METTL15: variants seen among roughly 807,000 people sequenced by gnomAD.
METTL15 encodes methyltransferase 15, mitochondrial 12S rRNA N4-cytidine.
A neutral mutation model predicts 38.3 loss-of-function variants in METTL15; 34 were observed. The observed-to-expected ratio is 0.89, with a 90% CI of 0.68 to 1.18. The LOEUF (loss-of-function observed/expected upper bound fraction) is 1.18, where lower values mean the gene tolerates loss of function less well. METTL15 is among the 50% of genes most tolerant of loss of function. METTL15 has a pLI of 0.00. For synonymous variants in METTL15, 162 were observed against 170.9 expected, an observed-to-expected ratio of 0.95 and a Z score of 0.41; for missense variants, 438 against 498.4, an observed-to-expected ratio of 0.88 and a Z score of 1.15.
At chr11:28,516,379 G>A (rs1851719687) in intron 6 of METTL15, among the ~76,000 whole-genome samples, 1 of 152,160 alleles carries the variant, frequency 6.6e-6, no homozygotes, top group Non-Finnish European at 1.5e-5. Context: ...CATGGGCACT[G>A]TCATGAAGCT....
intron 3 of METTL15, among the ~76,000 whole-genome samples, chr11:28,170,542 A>T (rs1287291403): frequency 6.6e-6 from 1 of 152,126 alleles, no homozygotes; most frequent in Non-Finnish European, 1.5e-5. Context: ...TAATACTTAT[A>T]ATTATTTCTT....
chr11:28,396,948 C>G (rs933846148), intron 5 of METTL15, among the ~76,000 whole-genome samples: 1 of 147,826 alleles, frequency 6.8e-6, no homozygotes, highest in Non-Finnish European at 1.5e-5. Flanking sequence ...ACATGTACAA[C>G]CATCTGATCT....
chr11:28,235,551 T>C (rs1853916744), intron 4 of METTL15, among the ~76,000 whole-genome samples: 1 of 152,210 alleles, frequency 6.6e-6, no homozygotes, highest in South Asian at 2.1e-4. Flanking sequence ...CCTAAGTATT[T>C]TATTCTCTTT....
intron 6 of METTL15, among the ~76,000 whole-genome samples, chr11:28,478,818 TA>T (rs1177909076): frequency 1.3e-5 from 2 of 152,186 alleles, no homozygotes; most frequent in African/African-American, 4.8e-5. Flanking sequence ...CAAGGGGCCA[TA>T]AGTGACTTGG....
rs556672028 is a variant in METTL15 at position 28,339,998 on chromosome 11, A to G, written c.*190-12092A>G. Reference sequence around the variant, plus strand: ...AATACAGAACTAAGAGTAAACAATCATGAGAATTATGGTTACAAAGCAAAA... The same window carrying G: ...AATACAGAACTAAGAGTAAACAATCGTGAGAATTATGGTTACAAAGCAAAA... On this transcript the variant is annotated intron_variant and NMD_transcript_variant, in intron 3 of 7. Transcript: ENST00000532947. 2.2e-4 allele frequency among the ~76,000 whole-genome samples: 34 copies of G among 152,304 alleles called. 1 individual carries two copies. The highest frequency in any genetic ancestry group is 5.5e-4 in the African/African-American group (23 of 41,588).
At chr11:28,417,801 A>G (rs945806683) in intron 5 of METTL15, among the ~76,000 whole-genome samples, 1 of 152,210 alleles carries the variant, frequency 6.6e-6, no homozygotes, top group Non-Finnish European at 1.5e-5. Flanking sequence ...TGTACAGTCA[A>G]ATGTCAACTA....
intron 3 of METTL15, among the ~76,000 whole-genome samples, chr11:28,185,403 T>C (rs1255406383): frequency 2.0e-5 from 3 of 151,510 alleles, no homozygotes; most frequent in African/African-American, 7.2e-5. Context: ...CCTTGGTTTC[T>C]GTGCCTGTGC....
intron 3 of METTL15, among the ~76,000 whole-genome samples, chr11:28,118,816 G>A (rs1047489741): frequency 1.3e-5 from 2 of 152,256 alleles, no homozygotes; most frequent in East Asian, 3.9e-4. Flanking sequence ...TAAGGAAAGA[G>A]AACCTATCTC....
chr11:28,395,202 G>T (rs1240547343), intron 5 of METTL15, among the ~76,000 whole-genome samples: 4 of 151,948 alleles, frequency 2.6e-5, no homozygotes, highest in African/African-American at 9.7e-5. Flanking sequence ...AGGATTTTTT[G>T]TCTTTTGTGT....
At chr11:28,375,502 C>G (rs145811633) in intron 5 of METTL15, among the ~76,000 whole-genome samples, 10 of 151,354 alleles carry the variant, frequency 6.6e-5, no homozygotes, top group Middle Eastern at 3.4e-3. Context: ...TCTGTGGGAT[C>G]GGTGGTAATA....
chr11:28,291,050 C>CG (rs1349119013), intron 5 of METTL15, among the ~76,000 whole-genome samples: 4 of 133,650 alleles, frequency 3.0e-5, no homozygotes, highest in Admixed American at 1.5e-4. Context: ...TAATTCTTTT[C>CG]TTTTTTTTTT....
At chr11:28,358,520 A>G (rs1168343118) in intron 4 of METTL15, among the ~76,000 whole-genome samples, 1 of 152,256 alleles carries the variant, frequency 6.6e-6, no homozygotes, top group Non-Finnish European at 1.5e-5. Flanking sequence ...GATCTGAGGT[A>G]GACAGTGGAA....
At chr11:28,229,310 A>G (rs750277804) in intron 4 of METTL15, among the ~76,000 whole-genome samples, 1 of 151,890 alleles carries the variant, frequency 6.6e-6, no homozygotes, top group Non-Finnish European at 1.5e-5. Context: ...CTTAATATGC[A>G]CAGATAGAAC....
chr11:28,163,547 C>T, intron 3 of METTL15: 1 of 395,604 alleles, frequency 2.5e-6, no homozygotes, highest in East Asian at 3.6e-5. Flanking sequence ...CTCTCTCTCT[C>T]TCTCTGTGTG....
chr11:28,244,784 T>A (rs1327939072), intron 4 of METTL15, among the ~76,000 whole-genome samples: 1 of 152,214 alleles, frequency 6.6e-6, no homozygotes, highest in East Asian at 1.9e-4. Context: ...CAGAAGCCAC[T>A]ACATTTCTGG....
chr11:28,300,262 T>C (rs1856868264), intron 6 of METTL15, among the ~76,000 whole-genome samples: 1 of 152,160 alleles, frequency 6.6e-6, no homozygotes, highest in African/African-American at 2.4e-5. Context: ...ATACTAAATA[T>C]GTTCAAAACT....
intron 3 of METTL15, among the ~76,000 whole-genome samples, chr11:28,183,989 G>T (rs1052883690): frequency 6.6e-6 from 1 of 151,740 alleles, no homozygotes; most frequent in Non-Finnish European, 1.5e-5. Flanking sequence ...CTCTTGGGAG[G>T]GTGTGTGTGT....
chr11:28,163,513 A>T, intron 3 of METTL15: 1 of 397,440 alleles, frequency 2.5e-6, no homozygotes, highest in Non-Finnish European at 4.4e-6. Flanking sequence ...TTCTAATAAG[A>T]TGCTTCTTCT....
intron 4 of METTL15, among the ~76,000 whole-genome samples, chr11:28,223,502 T>C (rs1260918598): frequency 1.3e-5 from 2 of 152,166 alleles, no homozygotes; most frequent in Non-Finnish European, 2.9e-5. Context: ...AATTGCAACC[T>C]GTAGTAGGGC....
Sources: allele counts gnomAD v4.1 joint callset (sites outside exome capture counted in the v4.1 genomes callset), GRCh38; gene constraint gnomAD v4.1.1; transcripts MANE v1.5; gene names NCBI Gene and HGNC (gene_info 2026-07-23, HGNC 2026-07-21).